Variants in ZNF718 observed in about 807,000 individuals in gnomAD.
ZNF718 encodes the protein zinc finger protein 718.
A neutral mutation model predicts 2.6 loss-of-function variants in ZNF718; 3 were observed. That is an observed-to-expected ratio of 1.16 (90% CI 0.53 to 3.01). ZNF718 has a LOEUF of 3.01. Among genes scored for constraint, ZNF718 ranks in the 30% most tolerant of loss-of-function variants. ZNF718 has a pLI of 0.03. For synonymous variants in ZNF718, 135 were observed against 77.9 expected, an observed-to-expected ratio of 1.73 and a Z score of -3.86; for missense variants, 468 against 230.0, an observed-to-expected ratio of 2.03 and a Z score of -6.69.
At chr4:125,904 T>C (rs1421286406) in intron 1 of ZNF718, among the ~76,000 whole-genome samples, 1 of 152,212 alleles carries the variant, frequency 6.6e-6, no homozygotes, top group Non-Finnish European at 1.5e-5. Flanking sequence ...TCCTGGCTCA[T>C]CTCAACCCCA....
chr4:144,366 C>T (rs887436087), intron 3 of ZNF718, among the ~76,000 whole-genome samples: 4 of 152,184 alleles, frequency 2.6e-5, no homozygotes, highest in Admixed American at 1.3e-4. Flanking sequence ...TCTCTGCATT[C>T]GCTCTACTGT....
chr4:140,598 C>T (rs1167151287), intron 3 of ZNF718, among the ~76,000 whole-genome samples: 2 of 152,156 alleles, frequency 1.3e-5, no homozygotes, highest in African/African-American at 2.4e-5. Context: ...GCCATGGAGA[C>T]TGCTTTACCC....
At chr4:174,180 A>G (rs2108811204) in intron 3 of ZNF718, among the ~76,000 whole-genome samples, 1 of 152,226 alleles carries the variant, frequency 6.6e-6, no homozygotes, top group East Asian at 1.9e-4. Flanking sequence ...AAGCTTTGCA[A>G]AACCTCCCGG....
chr4:159,825 G>A (rs55831262), intron 3 of ZNF718, among the ~76,000 whole-genome samples: 1,935 of 152,136 alleles, frequency 0.013, 47 homozygotes, highest in African/African-American at 0.044. Flanking sequence ...TGTTGCCCTA[G>A]TATTTTGCCT....
chr4:177,120 A>G (rs1205733483), intron 3 of ZNF718, among the ~76,000 whole-genome samples: 3 of 152,172 alleles, frequency 2.0e-5, no homozygotes, highest in Admixed American at 1.3e-4. Context: ...AAGTTTATCT[A>G]ATTTCCTTCC....
At chr4:134,557 T>TA (rs1465623481) in intron 3 of ZNF718, among the ~76,000 whole-genome samples, 5 of 152,340 alleles carry the variant, frequency 3.3e-5, no homozygotes, top group African/African-American at 1.2e-4. Flanking sequence ...CTTATGATAA[T>TA]ACGGTACTTT....
At chr4:167,556 G>C (rs1023871500), downstream of ZNF718, among the ~76,000 whole-genome samples, 2 of 152,086 alleles carry the variant, frequency 1.3e-5, no homozygotes, top group Non-Finnish European at 2.9e-5. Context: ...TCCTTGAAGA[G>C]GTCCTTCACA....
At chr4:151,723 A>T (rs1320787651) in intron 3 of ZNF718, among the ~76,000 whole-genome samples, 1 of 151,928 alleles carries the variant, frequency 6.6e-6, no homozygotes, top group African/African-American at 2.4e-5. Context: ...CAGGTAATCC[A>T]CCCACCTCAA....
intron 1 of ZNF718, among the ~76,000 whole-genome samples, chr4:126,178 G>A (rs1553807988): frequency 6.6e-6 from 1 of 152,122 alleles, no homozygotes; most frequent in African/African-American, 2.4e-5. Flanking sequence ...CATCCCTTAC[G>A]TGCCTACAAG....
chr4:166,548 G>A (rs1169199605), downstream of ZNF718, among the ~76,000 whole-genome samples: 1 of 152,156 alleles, frequency 6.6e-6, no homozygotes, highest in African/African-American at 2.4e-5. Context: ...CATTCTAACT[G>A]GTGTGAGGTG....
intron 3 of ZNF718, among the ~76,000 whole-genome samples, chr4:143,193 G>T (rs138008273): frequency 4.6e-5 from 7 of 152,264 alleles, no homozygotes; most frequent in African/African-American, 1.4e-4. Flanking sequence ...CAAAAAGGGG[G>T]AATTTCGTTT....
At chr4:173,825 T>C (rs1717293136) in intron 3 of ZNF718, among the ~76,000 whole-genome samples, 1 of 152,112 alleles carries the variant, frequency 6.6e-6, no homozygotes, top group Non-Finnish European at 1.5e-5. Flanking sequence ...ATGAAAGAAG[T>C]ATGCAGACAC....
At chr4:175,625 C>G (rs1477652947) in intron 3 of ZNF718, among the ~76,000 whole-genome samples, 3 of 152,078 alleles carry the variant, frequency 2.0e-5, no homozygotes, top group Admixed American at 6.6e-5. Context: ...ATTTTTTAGC[C>G]TAATGATTTA....
At chr4:133,613 G>C (rs1398751550) in intron 3 of ZNF718, among the ~76,000 whole-genome samples, 2 of 152,214 alleles carry the variant, frequency 1.3e-5, no homozygotes, top group South Asian at 4.1e-4. Flanking sequence ...TTGCTGATAG[G>C]TTCTTGGAAA....
At chr4:195,769 G>C (rs1717778607) in intron 3 of ZNF718, among the ~76,000 whole-genome samples, 1 of 152,192 alleles carries the variant, frequency 6.6e-6, no homozygotes, top group Non-Finnish European at 1.5e-5. Context: ...CGGGCTGTCA[G>C]TGGTCTCAGT....
At chr4:197,423 C>T (rs1270212985) in intron 3 of ZNF718, among the ~76,000 whole-genome samples, 1 of 152,120 alleles carries the variant, frequency 6.6e-6, no homozygotes, top group Admixed American at 6.5e-5. Flanking sequence ...AGTGCTTTTC[C>T]TGTCACTAAA....
intron 3 of ZNF718, among the ~76,000 whole-genome samples, chr4:176,020 A>G (rs1441918354): frequency 1.3e-5 from 2 of 151,768 alleles, no homozygotes; most frequent in Non-Finnish European, 2.9e-5. Context: ...TAACAAGCAT[A>G]TCAATTTGGC....
intron 3 of ZNF718, among the ~76,000 whole-genome samples, chr4:191,939 A>G (rs1717700969): frequency 6.6e-6 from 1 of 152,186 alleles, no homozygotes; most frequent in Admixed American, 6.5e-5. Flanking sequence ...TAGCTCTATT[A>G]GAAGCCCTGG....
chr4:171,920 C>T (rs1434506089), intron 3 of ZNF718, among the ~76,000 whole-genome samples: 9 of 152,216 alleles, frequency 5.9e-5, no homozygotes, highest in Non-Finnish European at 1.0e-4. Flanking sequence ...AGAAATCACA[C>T]GTCTTCTGCG....
Sources: gnomAD v4.1 joint callset for allele counts (sites outside exome capture counted in the v4.1 genomes callset) on GRCh38, gnomAD v4.1.1 for gene constraint, MANE v1.5 for transcripts, NCBI Gene and HGNC (gene_info 2026-07-23, HGNC 2026-07-21) for gene names.